Variants in DYSF observed in about 807,000 individuals in gnomAD.
DYSF encodes the protein dystrophy-associated fer-1-like 1.
In DYSF, 212 loss-of-function variants were observed where a neutral mutation model predicts 274.9. The observed-to-expected ratio is 0.77, with a 90% CI of 0.69 to 0.86. The LOEUF is 0.86. Among genes scored for constraint, DYSF ranks in the 40% least tolerant of loss-of-function variants. The pLI, the probability that DYSF is intolerant of heterozygous loss-of-function variation, is 0.00. For missense variants in DYSF, 2,666 were observed against 2,783.2 expected, an observed-to-expected ratio of 0.96 and a Z score of 0.95; for synonymous variants, 1,091 against 1,078.7, an observed-to-expected ratio of 1.01 and a Z score of -0.22.
chr2:71,585,252 C>T (rs1054333742), intron 30 of DYSF, among the ~76,000 whole-genome samples: 4 of 152,204 alleles, frequency 2.6e-5, no homozygotes, highest in Admixed American at 1.3e-4. Flanking sequence ...GTTGAAGAGC[C>T]GTGCATTTTC....
intron 29 of DYSF, among the ~76,000 whole-genome samples, chr2:71,572,765 G>T (rs565095675): frequency 6.6e-6 from 1 of 152,232 alleles, no homozygotes; most frequent in South Asian, 2.1e-4. Context: ...TTAGCATGGG[G>T]GTTCCCTGGA....
At chr2:71,586,764 G>T (rs2093080817) in intron 30 of DYSF, among the ~76,000 whole-genome samples, 1 of 152,066 alleles carries the variant, frequency 6.6e-6, no homozygotes. Flanking sequence ...GAGCAGGGAG[G>T]TCCCTGCAGG....
At chr2:71,569,065 G>A (rs868574304) in intron 26 of DYSF, among the ~76,000 whole-genome samples, 13 of 152,004 alleles carry the variant, frequency 8.6e-5, no homozygotes, top group African/African-American at 3.1e-4. Flanking sequence ...TAGTAGAGAC[G>A]AGGTTTCACC....
At chr2:71,526,479 A>C (rs1362656405) in intron 13 of DYSF, 133 bp downstream of exon 13, 2 of 1,319,274 alleles carry the variant, frequency 1.5e-6, no homozygotes, top group East Asian at 5.0e-5. Context: ...TCAGAATTTA[A>C]CGAAAAGTAA....
intron 16 of DYSF, among the ~76,000 whole-genome samples, chr2:71,536,243 T>A (rs185186717): frequency 6.6e-6 from 1 of 152,226 alleles, no homozygotes; most frequent in East Asian, 1.9e-4. Flanking sequence ...TCTCCTCTGG[T>A]CTCATGCCCA....
chr2:71,464,831 G>A (rs751597411), upstream of DYSF, among the ~76,000 whole-genome samples: 2 of 152,162 alleles, frequency 1.3e-5, no homozygotes, highest in Non-Finnish European at 2.9e-5. Context: ...CCATGGAGTC[G>A]ATTAAATGAC....
chr2:71,488,700 T>C (rs1410577041), intron 3 of DYSF, among the ~76,000 whole-genome samples: 3 of 152,064 alleles, frequency 2.0e-5, no homozygotes, highest in Non-Finnish European at 4.4e-5. Context: ...TAGGAGGAGG[T>C]CTAGTCAGGA....
In DYSF at chr2:71,681,039, T is replaced by G; in HGVS notation, c.6102T>G (p.Ser2034Arg). The part of the protein sequence containing the change: ...LEMTLEIVAE[S>R]EHEERPAGQG... ...TGACCTTGGAGATTGTAGCAGAGAGTGAGCATGAGGAGCGGCCTGCTGGCC... is the reference window on the plus strand; with the variant it reads ...TGACCTTGGAGATTGTAGCAGAGAGGGAGCATGAGGAGCGGCCTGCTGGCC... Residue 2034 changes from serine (S) to arginine (R), a missense_variant, in exon 54 of 56, where the codon AGT becomes AGG. By Grantham distance (110) the Ser-to-Arg change is moderately radical (BLOSUM62 -1). Around this residue, in one of 3 missense-constraint regions of DYSF, gnomAD observed 1,460 missense variants for 1,502.1 expected, o/e 0.97. Coordinates refer to ENST00000410020, the MANE Select transcript of DYSF (RefSeq NM_001130987.2). The G allele has an allele frequency of 6.2e-7, 1 of 1,613,922 alleles. No individual in the cohort carries two copies. Among genetic ancestry groups the G allele is most frequent in the South Asian group, 1.1e-5 (1 of 91,070 alleles).
Position 71,682,250 on chromosome 2 carries a change from G to T in DYSF, c.6174-280G>T, listed in dbSNP as rs191319845. Among the ~76,000 whole-genome samples, 44 of 152,200 alleles carry T rather than the reference G, an allele frequency of 2.9e-4. No homozygotes were observed. The East Asian group carries it at 7.8e-3, about 27-fold the overall frequency. ...GGAATGGGTGAGGGCACCAAGGAAGGTGTCCTGGAGAGGATGGCAGAGAAA... is the reference window on the plus strand; with the variant it reads ...GGAATGGGTGAGGGCACCAAGGAAGTTGTCCTGGAGAGGATGGCAGAGAAA... On this transcript the variant is annotated intron_variant, in intron 54 of 55. Coordinates refer to ENST00000410020, the MANE Select transcript of DYSF (RefSeq NM_001130987.2).
chr2:71,602,947 C>T (rs1231532254), intron 36 of DYSF, 142 bp downstream of exon 36: 7 of 1,026,688 alleles, frequency 6.8e-6, no homozygotes, highest in Non-Finnish European at 1.0e-5. Flanking sequence ...GATTTTATTC[C>T]CCATGCTGTG....
chr2:71,568,408 T>C (rs1172552237), intron 26 of DYSF, 70 bp downstream of exon 26: 2 of 1,582,620 alleles, frequency 1.3e-6, no homozygotes, highest in Admixed American at 3.4e-5. Context: ...ACCCTCCTTT[T>C]GGAGGCAGGC....
chr2:71,489,219 G>A (rs1279073256), intron 3 of DYSF, among the ~76,000 whole-genome samples: 1 of 152,036 alleles, frequency 6.6e-6, no homozygotes, highest in Non-Finnish European at 1.5e-5. Flanking sequence ...TCCTTCTGCT[G>A]CCCCCACCAC....
In DYSF at chr2:71,608,603, G is replaced by A. The variant is rs1229319433; in HGVS notation, c.3958-2642G>A. 3.9e-5 allele frequency among the ~76,000 whole-genome samples: 6 copies of A among 152,112 alleles called. No homozygotes were observed. The East Asian group carries it at 9.7e-4, about 24-fold the overall frequency. On this transcript the variant is annotated intron_variant, in intron 36 of 55. Transcript: ENST00000410020. ...GTGTGCTCCTGCCTTCTTCCTCCAG[G>A]GCCTTCTCCAAACGGTATTGGAGCT...
At chr2:71,606,160 C>T (rs537965273) in intron 36 of DYSF, among the ~76,000 whole-genome samples, 13 of 152,246 alleles carry the variant, frequency 8.5e-5, no homozygotes, top group African/African-American at 3.1e-4. Flanking sequence ...CTTGGTTCTT[C>T]GTGGTAAACT....
Position 71,668,763 on chromosome 2 carries a change from C to A in DYSF, c.5467C>A (p.Gln1823Lys), listed in dbSNP as rs1553415109. The A allele has an allele frequency of 6.2e-7, 1 of 1,613,746 alleles. No individual in the cohort carries two copies. Among genetic ancestry groups the A allele is most frequent in the Non-Finnish European group, 8.5e-7 (1 of 1,179,944 alleles). Residue 1823 changes from glutamine to lysine, a missense_variant, in exon 49 of 56, where the codon CAG (glutamine) becomes AAG (lysine). Around this residue, in one of 3 missense-constraint regions of DYSF, gnomAD observed 1,460 missense variants for 1,502.1 expected, o/e 0.97. Coordinates refer to ENST00000410020, the MANE Select transcript of DYSF (RefSeq NM_001130987.2). ...LQPDIEQGKL[Q>K]MWVDLFPKAL... is the part of the protein sequence containing the mutation. ...GACCCTGTCTCCGCAGGGGAAGCTG[C>A]AGATGTGGGTCGACCTATTTCCGAA...
intron 39 of DYSF, among the ~76,000 whole-genome samples, chr2:71,613,036 G>A (rs1574351770): frequency 6.6e-6 from 1 of 152,144 alleles, no homozygotes; most frequent in Non-Finnish European, 1.5e-5. Flanking sequence ...GAGGGGTGAG[G>A]GCTCAAAGTG....
intron 11 of DYSF, 150 bp downstream of exon 11, chr2:71,520,358 TC>T: frequency 1.1e-6 from 1 of 919,394 alleles, no homozygotes; most frequent in African/African-American, 1.6e-5. Flanking sequence ...TCATTCATCC[TC>T]CATGTGAGAC....
chr2:71,536,218 G>C (rs1226596894), intron 16 of DYSF, among the ~76,000 whole-genome samples: 1 of 152,176 alleles, frequency 6.6e-6, no homozygotes, highest in African/African-American at 2.4e-5. Context: ...TTGGCTTTGT[G>C]GTTCCCCAGC....
intron 41 of DYSF, among the ~76,000 whole-genome samples, chr2:71,641,178 ATTTTTTTTTT>A (rs10683765): frequency 8.0e-6 from 1 of 124,544 alleles, no homozygotes; most frequent in Admixed American, 8.5e-5. Flanking sequence ...ATGTTTATCT[ATTTTTTTTTT>A]TTTTTTTTGA....
Sources: allele counts gnomAD v4.1 joint callset (sites outside exome capture counted in the v4.1 genomes callset), GRCh38; gene constraint gnomAD v4.1.1; regional missense constraint gnomAD v4.1.1; transcripts MANE v1.5; gene names NCBI Gene and HGNC (gene_info 2026-07-23, HGNC 2026-07-21).